The following RUNX1 variants were observed in gnomAD, a reference collection of about 807,000 sequenced individuals.
The protein encoded by RUNX1 is RUNX family transcription factor 1, also known as runt-related transcription factor 1.
RUNX1 carries 19 observed loss-of-function variants against 42.8 expected under a neutral mutation model. That is an observed-to-expected ratio of 0.44 (90% CI 0.31 to 0.65). The LOEUF (loss-of-function observed/expected upper bound fraction) is 0.65, where lower values mean the gene tolerates loss of function less well. RUNX1 is among the 30% of genes least tolerant of loss of function. The pLI is 0.07. For synonymous variants in RUNX1, 271 were observed against 289.4 expected (o/e 0.94, Z 0.64); for missense variants, 528 against 672.0 (o/e 0.79, Z 2.37).
chr21:35,041,961 G>A (rs895741231), intron 2 of RUNX1, among the ~76,000 whole-genome samples: 2 of 152,106 alleles, frequency 1.3e-5, no homozygotes, highest in African/African-American at 4.8e-5. Context: ...TTGGGAGGCT[G>A]GGGGATTTTT....
At chr21:35,040,693 C>G (rs1008331049) in intron 2 of RUNX1, among the ~76,000 whole-genome samples, 3 of 144,290 alleles carry the variant, frequency 2.1e-5, no homozygotes, top group Admixed American at 7.3e-5. Context: ...AATGGCTGAA[C>G]GTGGGAGGCG....
chr21:34,890,575 C>T (rs1000918590), intron 3 of RUNX1, among the ~76,000 whole-genome samples: 2 of 152,194 alleles, frequency 1.3e-5, no homozygotes, highest in Non-Finnish European at 2.9e-5. Context: ...GCGGGCGGCC[C>T]GCGGCCTCAA....
intron 2 of RUNX1, among the ~76,000 whole-genome samples, chr21:34,962,004 C>T (rs997876377): frequency 6.6e-6 from 1 of 151,964 alleles, no homozygotes; most frequent in African/African-American, 2.4e-5. Flanking sequence ...GTGATCCTCC[C>T]ATTTCAGCCT....
At chr21:34,844,179 A>G (rs1228776231) in intron 6 of RUNX1, among the ~76,000 whole-genome samples, 1 of 152,172 alleles carries the variant, frequency 6.6e-6, no homozygotes, top group Non-Finnish European at 1.5e-5. Flanking sequence ...CCAGGGACAG[A>G]CTCTAAAGAG....
In RUNX1 at chr21:34,792,006, C is replaced by G. The variant is rs761179015; in HGVS notation, c.*129G>C. On this transcript the variant is annotated 3_prime_UTR_variant, in exon 9 of 9. Transcript: ENST00000675419. The surrounding 1 kb of genome is among the most constrained non-coding windows in gnomAD (Gnocchi z 6.9). ...ACAGCGAGATCCTGGCCGTCGGGCG[C>G]CCTCGGCCCCAGGACGGTGGCCGGG... The G allele has an allele frequency of 2.0e-5, 11 of 550,684 alleles. No homozygotes were observed. The South Asian group carries it at 2.2e-4, about 11-fold the overall frequency. The allele number at this position is 550,684 out of a possible 1,614,324, so 34.1% of individuals were successfully genotyped here. A position where few individuals can be genotyped will look rare whatever the true frequency, so the allele number is the denominator to read the frequency against.
intron 2 of RUNX1, among the ~76,000 whole-genome samples, chr21:35,037,231 C>T (rs2059314953): frequency 6.6e-6 from 1 of 152,214 alleles, no homozygotes; most frequent in Non-Finnish European, 1.5e-5. Flanking sequence ...GCAGTGGTTT[C>T]TCCCCACCCC....
intron 2 of RUNX1, among the ~76,000 whole-genome samples, chr21:34,916,332 T>C (rs1276096121): frequency 6.6e-6 from 1 of 152,198 alleles, no homozygotes; most frequent in Non-Finnish European, 1.5e-5. Flanking sequence ...ATGAACCCCA[T>C]GTTCAACGAA....
At chr21:34,882,775 T>C (rs1216841202) in intron 4 of RUNX1, among the ~76,000 whole-genome samples, 1 of 152,132 alleles carries the variant, frequency 6.6e-6, no homozygotes, top group African/African-American at 2.4e-5. Flanking sequence ...CCCCTTTTTT[T>C]CATGATTTTC....
intron 5 of RUNX1, among the ~76,000 whole-genome samples, chr21:34,860,984 T>C (rs1316834692): frequency 6.6e-6 from 1 of 152,202 alleles, no homozygotes; most frequent in Admixed American, 6.5e-5. Context: ...GCTCTGCCCA[T>C]TGTGCCTTTA....
At chr21:34,951,087 A>C (rs561317150) in intron 2 of RUNX1, among the ~76,000 whole-genome samples, 2 of 152,218 alleles carry the variant, frequency 1.3e-5, no homozygotes, top group Non-Finnish European at 2.9e-5. Context: ...CGTGTTTTAC[A>C]GTGCTGCCGA....
At chr21:34,949,748 T>C (rs547202193) in intron 2 of RUNX1, among the ~76,000 whole-genome samples, 4 of 152,348 alleles carry the variant, frequency 2.6e-5, no homozygotes, top group African/African-American at 9.6e-5. Flanking sequence ...GAAGGGGGCC[T>C]CCTACTCTCA....
At chr21:34,811,432 T>C (rs941924668) in intron 7 of RUNX1, among the ~76,000 whole-genome samples, 1 of 152,216 alleles carries the variant, frequency 6.6e-6, no homozygotes, top group Admixed American at 6.5e-5. Context: ...CTAGAATTCC[T>C]TGCAGCAAGA....
chr21:35,041,427 A>G (rs1335552413), intron 2 of RUNX1, among the ~76,000 whole-genome samples: 1 of 152,174 alleles, frequency 6.6e-6, no homozygotes, highest in Non-Finnish European at 1.5e-5. Flanking sequence ...TGAGGCCCCA[A>G]AAATGTCTTG....
intron 2 of RUNX1, among the ~76,000 whole-genome samples, chr21:34,979,852 G>C (rs1342634529): frequency 6.6e-6 from 1 of 152,094 alleles, no homozygotes; most frequent in African/African-American, 2.4e-5. Context: ...CAACCTAACA[G>C]AGAACAGAGG....
At chr21:34,851,603 A>G (rs1222946671) in intron 6 of RUNX1, among the ~76,000 whole-genome samples, 1 of 151,608 alleles carries the variant, frequency 6.6e-6, no homozygotes, top group African/African-American at 2.4e-5. Context: ...TTTTTTTCTT[A>G]TGGCATGTCA....
At chr21:34,839,469 G>A (rs746070680) in intron 6 of RUNX1, among the ~76,000 whole-genome samples, 77 of 152,062 alleles carry the variant, frequency 5.1e-4, no homozygotes, top group Admixed American at 1.3e-4. Context: ...AACTCAAAGC[G>A]AACAGGGTGG....
chr21:34,795,711 C>T (rs568021621), intron 8 of RUNX1, among the ~76,000 whole-genome samples: 29 of 152,292 alleles, frequency 1.9e-4, no homozygotes, highest in African/African-American at 6.3e-4. Flanking sequence ...CATCCCTGCC[C>T]GCTCTTTGGG....
At chr21:34,858,576 C>T (rs1484134113) in intron 6 of RUNX1, among the ~76,000 whole-genome samples, 3 of 152,206 alleles carry the variant, frequency 2.0e-5, no homozygotes, top group Admixed American at 6.5e-5. Flanking sequence ...ACAACCTGAC[C>T]TCCCTGCATC....
At chr21:34,969,268 C>A (rs2058742828) in intron 2 of RUNX1, among the ~76,000 whole-genome samples, 1 of 152,004 alleles carries the variant, frequency 6.6e-6, no homozygotes, top group Non-Finnish European at 1.5e-5. Context: ...GCTAATGGAG[C>A]AAAAATGCGC....
Sources: allele counts gnomAD v4.1 joint callset (sites outside exome capture counted in the v4.1 genomes callset), GRCh38; gene constraint gnomAD v4.1.1; non-coding constraint Gnocchi (gnomAD v3.1); transcripts MANE v1.5; gene names NCBI Gene and HGNC (gene_info 2026-07-23, HGNC 2026-07-21).